Variants in XRCC4 observed in about 807,000 individuals in gnomAD.
The protein encoded by XRCC4 is X-ray repair cross complementing 4.
In XRCC4, 28 loss-of-function variants were observed where a neutral mutation model predicts 39.1. The ratio of observed to expected loss-of-function variants is 0.72; its 90% CI spans 0.53 to 0.98. XRCC4 has a LOEUF of 0.98. XRCC4 is among the 50% of genes least tolerant of loss of function. The pLI is 0.00. For synonymous variants in XRCC4, 123 were observed against 126.4 expected (o/e 0.97, Z 0.18); for missense variants, 350 against 376.4 (o/e 0.93, Z 0.58).
intron 6 of XRCC4, among the ~76,000 whole-genome samples, chr5:83,255,284 AAG>A (rs1356378317): frequency 6.6e-6 from 1 of 152,174 alleles, no homozygotes; most frequent in African/African-American, 2.4e-5. Context: ...TATTTGAAGT[AAG>A]AGAATCTATT....
intron 6 of XRCC4, among the ~76,000 whole-genome samples, chr5:83,228,074 C>G (rs1396820875): frequency 1.3e-5 from 2 of 152,004 alleles, no homozygotes; most frequent in African/African-American, 4.8e-5. Context: ...CTTCTATTTT[C>G]TGTACCAGTG....
intron 3 of XRCC4, among the ~76,000 whole-genome samples, chr5:83,119,141 A>G (rs1028221851): frequency 6.6e-5 from 10 of 152,284 alleles, no homozygotes; most frequent in African/African-American, 2.2e-4. Flanking sequence ...CCAAAATCCT[A>G]TATTATTGCC....
intron 3 of XRCC4, among the ~76,000 whole-genome samples, chr5:83,177,047 A>C (rs1580332499): frequency 6.6e-6 from 1 of 152,318 alleles, no homozygotes; most frequent in East Asian, 1.9e-4. Context: ...GATAGACATG[A>C]GACACGTTTT....
intron 1 of XRCC4, among the ~76,000 whole-genome samples, chr5:83,082,461 G>A (rs1482142715): frequency 6.6e-6 from 1 of 152,150 alleles, no homozygotes; most frequent in Non-Finnish European, 1.5e-5. Context: ...TGGGTGAGGG[G>A]TATATGAGAA....
intron 3 of XRCC4, among the ~76,000 whole-genome samples, chr5:83,168,087 A>T (rs1049675108): frequency 1.3e-5 from 2 of 152,218 alleles, no homozygotes; most frequent in Non-Finnish European, 2.9e-5. Flanking sequence ...TTATGCCAAC[A>T]TAAACTCTAC....
intron 7 of XRCC4, chr5:83,310,901 C>T (rs1465017747): frequency 6.6e-6 from 3 of 455,230 alleles, no homozygotes; most frequent in African/African-American, 6.0e-5. Flanking sequence ...CCAACAGATC[C>T]AAGAACTGAA....
At chr5:83,325,762 A>G (rs143250254) in intron 7 of XRCC4, among the ~76,000 whole-genome samples, 1,659 of 152,222 alleles carry the variant, frequency 0.011, 35 homozygotes, top group African/African-American at 0.037. Context: ...TAGTGCTGCA[A>G]TGAACATATG....
chr5:83,337,217 A>G (rs1756620288), intron 7 of XRCC4, among the ~76,000 whole-genome samples: 2 of 152,200 alleles, frequency 1.3e-5, no homozygotes, highest in Admixed American at 1.3e-4. Context: ...ATAAGGAACT[A>G]TTCTTAATTC....
At chr5:83,219,055 G>A (rs963154277) in intron 6 of XRCC4, among the ~76,000 whole-genome samples, 3 of 152,034 alleles carry the variant, frequency 2.0e-5, no homozygotes, top group Non-Finnish European at 4.4e-5. Flanking sequence ...TTGAGGGAAT[G>A]ATTTATTAAC....
chr5:83,280,327 T>C, intron 7 of XRCC4: 1 of 412,262 alleles, frequency 2.4e-6, no homozygotes. Flanking sequence ...ATGCTTGTAA[T>C]CCTCTATTCC....
intron 6 of XRCC4, among the ~76,000 whole-genome samples, chr5:83,237,169 A>G (rs773431005): frequency 1.3e-5 from 2 of 152,298 alleles, no homozygotes; most frequent in East Asian, 1.9e-4. Flanking sequence ...TCAAAAAACT[A>G]AAATAGAACT....
At chr5:83,180,075 T>C (rs1750139215) in intron 3 of XRCC4, among the ~76,000 whole-genome samples, 1 of 152,170 alleles carries the variant, frequency 6.6e-6, no homozygotes, top group South Asian at 2.1e-4. Context: ...CAGCTGATAA[T>C]AGTGAATTTT....
At chr5:83,085,024 G>A (rs1282681477) in intron 1 of XRCC4, among the ~76,000 whole-genome samples, 1 of 152,204 alleles carries the variant, frequency 6.6e-6, no homozygotes. Context: ...GGAGGACATT[G>A]TATCCTGAAT....
intron 3 of XRCC4, among the ~76,000 whole-genome samples, chr5:83,192,721 C>T (rs1750768103): frequency 6.6e-6 from 1 of 152,136 alleles, no homozygotes; most frequent in Admixed American, 6.6e-5. Flanking sequence ...TTAACAAGAT[C>T]TGTGTACTCT....
chr5:83,161,145 T>C (rs1361372948), intron 3 of XRCC4, among the ~76,000 whole-genome samples: 1 of 151,300 alleles, frequency 6.6e-6, no homozygotes, highest in Non-Finnish European at 1.5e-5. Flanking sequence ...AGTTTTGCTC[T>C]TGTTGCCTAG....
intron 3 of XRCC4, among the ~76,000 whole-genome samples, chr5:83,153,153 A>T (rs768555735): frequency 6.6e-6 from 1 of 151,448 alleles, no homozygotes; most frequent in Non-Finnish European, 1.5e-5. Flanking sequence ...GCTTTTTTTC[A>T]CTCAGCATAA....
intron 3 of XRCC4, among the ~76,000 whole-genome samples, chr5:83,174,221 C>G (rs1309079494): frequency 6.6e-6 from 1 of 152,090 alleles, no homozygotes; most frequent in Non-Finnish European, 1.5e-5. Context: ...AAGGGGAATG[C>G]CTTTTCCTAG....
At chr5:83,305,860 T>C (rs1170528818) in intron 7 of XRCC4, among the ~76,000 whole-genome samples, 1 of 152,152 alleles carries the variant, frequency 6.6e-6, no homozygotes, top group East Asian at 1.9e-4. Context: ...AAAGATGATA[T>C]CAAGTATTTT....
chr5:83,361,373 C>G, the XRCC4 span, among the ~76,000 whole-genome samples: 2 of 152,132 alleles, frequency 1.3e-5, no homozygotes, highest in Admixed American at 1.3e-4. Context: ...TTTTCATAGC[C>G]ACTTCTGCTG....
Sources: gnomAD v4.1 joint callset for allele counts (sites outside exome capture counted in the v4.1 genomes callset) on GRCh38, gnomAD v4.1.1 for gene constraint, MANE v1.5 for transcripts, NCBI Gene and HGNC (gene_info 2026-07-23, HGNC 2026-07-21) for gene names.